SRPK1: variants seen among roughly 807,000 people sequenced by gnomAD.
SRPK1 encodes SFRS protein kinase 1.
A neutral mutation model predicts 89.5 loss-of-function variants in SRPK1; 52 were observed. The ratio of observed to expected loss-of-function variants is 0.58; its 90% confidence interval spans 0.46 to 0.73. The LOEUF (loss-of-function observed/expected upper bound fraction) is 0.73. Ranked by LOEUF, SRPK1 falls within the 30% of genes least tolerant of loss-of-function variation. The probability of loss-of-function intolerance (pLI) is 0.00; values close to 1 mark genes in which losing one functional copy is unlikely to be tolerated. For missense variants in SRPK1, 603 were observed against 780.6 expected, an observed-to-expected ratio of 0.77 and a Z score of 2.71; for synonymous variants, 255 against 270.2, an observed-to-expected ratio of 0.94 and a Z score of 0.55.
At chr6:35,844,382 T>G (rs1355168502) in intron 13 of SRPK1, among the ~76,000 whole-genome samples, 1 of 152,148 alleles carries the variant, frequency 6.6e-6, no homozygotes, top group African/African-American at 2.4e-5. Flanking sequence ...CAATTTTGAT[T>G]AAATCAATGG....
intron 2 of SRPK1, among the ~76,000 whole-genome samples, chr6:35,899,360 A>C (rs1461360749): frequency 6.6e-6 from 1 of 152,030 alleles, no homozygotes; most frequent in Non-Finnish European, 1.5e-5. Flanking sequence ...TGACTTTCCT[A>C]TATGAAACAG....
chr6:35,894,385 T>A (rs940260406), intron 2 of SRPK1, among the ~76,000 whole-genome samples: 5 of 152,156 alleles, frequency 3.3e-5, no homozygotes, highest in Non-Finnish European at 7.4e-5. Flanking sequence ...ACTTATCTCA[T>A]AATCGCCCAT....
rs199911564 is a variant in SRPK1, at chr6:35,920,455, G to T, written c.74+13C>A. 1 of 1,612,442 alleles carries T rather than the reference G, an allele frequency of 6.2e-7. No individual in the cohort carries two copies. Among genetic ancestry groups the T allele is most frequent in the African/African-American group, 1.3e-5 (1 of 74,906 alleles). ...AAAATCCAAAGAATGGGATGTTGGG[G>T]TACAAGACTCACTTCCTTTGGGCTT... On this transcript the variant is annotated intron_variant, in intron 2 of 15. Transcript: ENST00000373825.
In SRPK1 at chr6:35,890,466, C is replaced by T. The variant is rs150765299; in HGVS notation, c.193+429G>A. On this transcript the variant is annotated intron_variant, in intron 3 of 15. Coordinates refer to ENST00000373825, the MANE Select transcript of SRPK1 (RefSeq NM_003137.5). ...CTCATCAAGAAACAGAAAAGATTAA[C>T]AGGCAACCTAATGACACCATTTAAG... Among the ~76,000 whole-genome samples the T allele has an allele frequency of 2.0e-3, 303 of 152,334 alleles. 2 individuals are homozygous for T. Among genetic ancestry groups the T allele is most frequent in the African/African-American group, 6.9e-3 (286 of 41,564 alleles).
intron 12 of SRPK1, among the ~76,000 whole-genome samples, chr6:35,865,442 A>G (rs1295666615): frequency 6.6e-6 from 1 of 152,198 alleles, no homozygotes; most frequent in African/African-American, 2.4e-5. Context: ...AATTACAAAA[A>G]ACAATTCTAA....
intron 2 of SRPK1, among the ~76,000 whole-genome samples, chr6:35,898,394 T>A (rs984845875): frequency 6.6e-6 from 1 of 152,098 alleles, no homozygotes; most frequent in Non-Finnish European, 1.5e-5. Flanking sequence ...ATTGGGGGGT[T>A]AGGGATAAAA....
At chr6:35,842,683 T>A in intron 13 of SRPK1, 79 bp from the exon 14 acceptor site, 1 of 1,013,062 alleles carries the variant, frequency 9.9e-7, no homozygotes. Flanking sequence ...TTTGGCTCAA[T>A]ATGAAGTAAC....
chr6:35,896,919 T>C (rs1162383117), intron 2 of SRPK1, among the ~76,000 whole-genome samples: 2 of 150,044 alleles, frequency 1.3e-5, no homozygotes, highest in Non-Finnish European at 2.9e-5. Flanking sequence ...ACAAGATGAA[T>C]GAACCTTGAA....
At chr6:35,876,472 T>A (rs1443576597) in intron 6 of SRPK1, among the ~76,000 whole-genome samples, 1 of 152,078 alleles carries the variant, frequency 6.6e-6, no homozygotes, top group African/African-American at 2.4e-5. Flanking sequence ...AAACCCTGTC[T>A]CTACAAGAAA....
At chr6:35,909,634 A>T (rs1433006166) in intron 2 of SRPK1, among the ~76,000 whole-genome samples, 1 of 152,218 alleles carries the variant, frequency 6.6e-6, no homozygotes, top group East Asian at 1.9e-4. Flanking sequence ...CCCAAATCTC[A>T]TCTCAAATTG....
chr6:35,920,590 G>A, intron 1 of SRPK1, 62 bp from the exon 2 acceptor site: 1 of 1,530,588 alleles, frequency 6.5e-7, no homozygotes, highest in Non-Finnish European at 8.9e-7. Context: ...CAAGGTGAGG[G>A]TGGAGACCCA....
At chr6:35,888,224 T>C (rs1770449679) in intron 4 of SRPK1, 113 bp from the exon 5 acceptor site, 4 of 588,970 alleles carry the variant, frequency 6.8e-6, no homozygotes, top group African/African-American at 1.9e-5. Flanking sequence ...CGTTTCCCTG[T>C]AGCCCAAACA....
chr6:35,919,288 A>G (rs931235164), intron 2 of SRPK1, among the ~76,000 whole-genome samples: 1 of 152,224 alleles, frequency 6.6e-6, no homozygotes, highest in Non-Finnish European at 1.5e-5. Flanking sequence ...GAGGTCACCT[A>G]CCACTTTAGT....
chr6:35,872,169 G>A (rs1047332000), intron 8 of SRPK1, among the ~76,000 whole-genome samples: 28 of 152,326 alleles, frequency 1.8e-4, no homozygotes, highest in Admixed American at 1.0e-3. Context: ...CTAGGATGAA[G>A]CCCAAATTCA....
chr6:35,921,059 T>C lies in SRPK1; in HGVS notation c.-3A>G, dbSNP rs903154944. On this transcript the variant is annotated 5_prime_UTR_variant, in exon 1 of 16. Coordinates refer to ENST00000373825, the MANE Select transcript of SRPK1 (RefSeq NM_003137.5). ...CACCGCTCACCTTTCCGCTCCATGG[T>C]GAGACCGGTAATCGCCAGGCGCCTG... is the stretch of plus-strand genomic sequence containing the variant. The C allele has an allele frequency of 5.9e-6, 9 of 1,536,106 alleles. No individual in the cohort carries two copies. The highest frequency in any genetic ancestry group is 6.1e-6 in the Non-Finnish European group (7 of 1,142,938).
chr6:35,838,471 C>G, intron 14 of SRPK1, 42 bp from the exon 15 acceptor site: 3 of 1,505,318 alleles, frequency 2.0e-6, no homozygotes, highest in Non-Finnish European at 2.7e-6. Flanking sequence ...AAAAAAAGAT[C>G]CGTAACAAGA....
rs1368547500 is a variant in SRPK1, at chr6:35,841,833, A to AAT, written c.1690+701_1690+702insAT. 7.0e-5 allele frequency among the ~76,000 whole-genome samples: 10 copies of AAT among 142,112 alleles called. No individual in the cohort carries two copies. The East Asian group carries it at 2.0e-3, about 29-fold the overall frequency. The allele number at this position is 142,112 out of a possible 152,430, so 93.2% of individuals were successfully genotyped here. ...GCGACAGAGTGAGACTCCGTCTCAAAAAAAAAAAAAAAAAAAAAAAAAATC... is the reference window on the plus strand; with the variant it reads ...GCGACAGAGTGAGACTCCGTCTCAAAATAAAAAAAAAAAAAAAAAAAAAAATC... On this transcript the variant is annotated intron_variant, in intron 14 of 15. Coordinates refer to ENST00000373825, the MANE Select transcript of SRPK1 (RefSeq NM_003137.5).
In SRPK1 at chr6:35,834,052, A is replaced by C. The variant is rs2151075909; in HGVS notation, c.*1252T>G. On this transcript the variant is annotated 3_prime_UTR_variant, in exon 16 of 16. Transcript: ENST00000373825. ...AAAGTCTTTTCTCAATTAAAACAAA[A>C]AAGCCTCAAGTACATCTCAATCATG... The C allele has an allele frequency of 6.5e-6, 1 of 152,756 alleles. No individual in the cohort carries two copies. The highest frequency in any genetic ancestry group is 2.1e-4 in the South Asian group (1 of 4,832). 9.5% of individuals were successfully genotyped at this position (152,756 alleles called of 1,614,324 possible).
At chr6:35,847,595 CA>C (rs1769453210) in intron 13 of SRPK1, among the ~76,000 whole-genome samples, 1 of 151,966 alleles carries the variant, frequency 6.6e-6, no homozygotes, top group African/African-American at 2.4e-5. Flanking sequence ...TTGCAGGATA[CA>C]AAATCAACAC....
Sources: allele counts gnomAD v4.1 joint callset (sites outside exome capture counted in the v4.1 genomes callset), GRCh38; gene constraint gnomAD v4.1.1; transcripts MANE v1.5; gene names NCBI Gene and HGNC (gene_info 2026-07-23, HGNC 2026-07-21).